SRFBP1: variants seen among roughly 807,000 people sequenced by gnomAD.
SRFBP1 encodes the protein serum response factor-binding protein 1.
SRFBP1 carries 47 observed loss-of-function variants against 45.5 expected under a neutral mutation model. The ratio of observed to expected loss-of-function variants is 1.03; its 90% CI spans 0.82 to 1.32. SRFBP1 has a LOEUF of 1.32. Among genes scored for constraint, SRFBP1 ranks in the 40% most tolerant of loss-of-function variants. The pLI, the probability that SRFBP1 is intolerant of heterozygous loss-of-function variation, is 0.00. For synonymous variants in SRFBP1, 203 were observed against 166.3 expected (o/e 1.22, Z -1.70); for missense variants, 621 against 484.6 (o/e 1.28, Z -2.64).
chr5:122,012,930 G>T (rs941637867), intron 4 of SRFBP1, among the ~76,000 whole-genome samples: 11 of 152,078 alleles, frequency 7.2e-5, no homozygotes, highest in Non-Finnish European at 1.5e-4. Flanking sequence ...AAAGTTAGAG[G>T]TTTAAATTTC....
At chr5:122,054,616 T>A (rs77869612) in intron 2 of SRFBP1, among the ~76,000 whole-genome samples, 5,065 of 152,310 alleles carry the variant, frequency 0.033, 306 homozygotes, top group African/African-American at 0.11. Flanking sequence ...ATGGTTCATA[T>A]TTATTGATGC....
chr5:122,038,219 T>A (rs573036350), intron 2 of SRFBP1, among the ~76,000 whole-genome samples: 28 of 152,214 alleles, frequency 1.8e-4, no homozygotes, highest in Admixed American at 7.8e-4. Context: ...ACTATTCTGA[T>A]ACAGAAATTG....
At chr5:122,071,252 G>A (rs777727932) in intron 2 of SRFBP1, among the ~76,000 whole-genome samples, 22 of 151,484 alleles carry the variant, frequency 1.5e-4, no homozygotes, top group Non-Finnish European at 2.8e-4. Flanking sequence ...CTACATGAGG[G>A]GCTATTATCT....
At position 122,023,737 on chromosome 5, in the gene SRFBP1, A is replaced by G. The variant is rs1274506368; in HGVS notation, c.1105+1330A>G. On this transcript the variant is annotated intron_variant, in intron 7 of 7. Transcript: ENST00000339397. ...AATATAAAATGATGAAGATTGTACA[A>G]AGTTCAGCAGAGGTTTTTTCCATCC... Among the ~76,000 whole-genome samples, 8 of 152,150 alleles carry G rather than the reference A, an allele frequency of 5.3e-5. No individual in the cohort carries two copies. The South Asian group carries it at 1.7e-3, about 32-fold the overall frequency.
chr5:121,966,699 A>G (rs955496295), intron 1 of SRFBP1, among the ~76,000 whole-genome samples: 1 of 152,240 alleles, frequency 6.6e-6, no homozygotes, highest in African/African-American at 2.4e-5. Context: ...GAGGTGTAGC[A>G]ATCTGATGGA....
rs1753297385 is a variant in SRFBP1, at chr5:122,020,699, A to G, written c.964A>G (p.Thr322Ala). 1 of 1,613,576 alleles carries G rather than the reference A, an allele frequency of 6.2e-7. No individual in the cohort carries two copies. The highest frequency in any genetic ancestry group is 1.7e-5 in the Admixed American group (1 of 59,946). ...GTTTCTTAAAGAAGATACAGGTGAA[A>G]CTCATGGGGATACAAGAAATGACAA... ...KVFLKEDTGE[T>A]HGDTRNDKIK... is the part of the protein sequence containing the mutation. Residue 322 changes from threonine to alanine, a missense_variant, in exon 6 of 8, where the codon ACT becomes GCT. By Grantham distance (58) the Thr-to-Ala change is moderately conservative. Coordinates refer to ENST00000339397, the MANE Select transcript of SRFBP1 (RefSeq NM_152546.3).
intron 6 of SRFBP1, among the ~76,000 whole-genome samples, chr5:122,021,090 T>C (rs1753308453): frequency 6.6e-6 from 1 of 152,212 alleles, no homozygotes; most frequent in African/African-American, 2.4e-5. Context: ...TTGAAATCTT[T>C]TTTGATGAAA....
intron 1 of SRFBP1, among the ~76,000 whole-genome samples, chr5:121,973,858 T>C (rs1049209129): frequency 1.4e-4 from 22 of 152,012 alleles, no homozygotes; most frequent in African/African-American, 5.1e-4. Flanking sequence ...AATACAAAGA[T>C]GAATATGACA....
At chr5:121,968,224 T>C (rs1362826435) in intron 1 of SRFBP1, among the ~76,000 whole-genome samples, 2 of 25,876 alleles carry the variant, frequency 7.7e-5, no homozygotes, top group East Asian at 2.3e-3. Flanking sequence ...ACTCTGTCAT[T>C]ATTATTATTA....
At chr5:122,060,800 G>C (rs1321402424) in intron 2 of SRFBP1, among the ~76,000 whole-genome samples, 2 of 152,054 alleles carry the variant, frequency 1.3e-5, no homozygotes, top group African/African-American at 2.4e-5. Flanking sequence ...TGATTTCCTG[G>C]TTCCATCTGC....
chr5:122,051,688 G>A (rs1428728914), intron 2 of SRFBP1, among the ~76,000 whole-genome samples: 1 of 151,360 alleles, frequency 6.6e-6, no homozygotes, highest in African/African-American at 2.4e-5. Flanking sequence ...ACCCTTCTTG[G>A]GTCTTGCTTC....
intron 3 of SRFBP1, among the ~76,000 whole-genome samples, chr5:121,990,107 A>G (rs1393338745): frequency 2.0e-5 from 3 of 152,202 alleles, no homozygotes; most frequent in Non-Finnish European, 1.5e-5. Context: ...ATTCTAGCAA[A>G]GACACATGGA....
chr5:122,039,943 A>C (rs1753747429), intron 2 of SRFBP1, among the ~76,000 whole-genome samples: 1 of 151,560 alleles, frequency 6.6e-6, no homozygotes, highest in Non-Finnish European at 1.5e-5. Context: ...GTTCCTGGAG[A>C]CTCTTTTTGC....
At chr5:122,024,896 T>TA (rs1045061562) in intron 7 of SRFBP1, among the ~76,000 whole-genome samples, 7 of 152,352 alleles carry the variant, frequency 4.6e-5, no homozygotes, top group Admixed American at 3.9e-4. Flanking sequence ...CATTTAGAAA[T>TA]ACTACCTTAT....
intron 2 of SRFBP1, chr5:122,070,256 AG>A (rs1754411637): frequency 2.5e-6 from 2 of 799,468 alleles, no homozygotes; most frequent in South Asian, 3.0e-5. Context: ...TAAATCAAGC[AG>A]GGAAGGGATT....
intron 2 of SRFBP1, among the ~76,000 whole-genome samples, chr5:122,035,296 G>A (rs1242047459): frequency 6.6e-6 from 1 of 152,122 alleles, no homozygotes; most frequent in Admixed American, 6.5e-5. Flanking sequence ...TTTCTCCTGA[G>A]TGTCCAGTGT....
intron 2 of SRFBP1, among the ~76,000 whole-genome samples, chr5:122,051,596 T>G (rs1189535765): frequency 1.8e-4 from 27 of 152,136 alleles, no homozygotes; most frequent in Admixed American, 9.8e-4. Context: ...TTTTTCTGTT[T>G]TCCATTTACT....
chr5:122,046,262 G>T (rs571689886), intron 2 of SRFBP1, among the ~76,000 whole-genome samples: 1 of 151,138 alleles, frequency 6.6e-6, no homozygotes, highest in East Asian at 2.0e-4. Flanking sequence ...CGTTCTCATT[G>T]TTCAATTCCC....
chr5:122,040,314 A>G (rs1374633495), intron 2 of SRFBP1, among the ~76,000 whole-genome samples: 1 of 152,162 alleles, frequency 6.6e-6, no homozygotes, highest in Non-Finnish European at 1.5e-5. Flanking sequence ...CATGTTCAGT[A>G]GCCTAAGTAC....
Sources: allele counts gnomAD v4.1 joint callset (sites outside exome capture counted in the v4.1 genomes callset), GRCh38; gene constraint gnomAD v4.1.1; transcripts MANE v1.5; gene names NCBI Gene and HGNC (gene_info 2026-07-23, HGNC 2026-07-21).